Variants in ARHGAP17 observed in about 807,000 individuals in gnomAD.
ARHGAP17 encodes Rho GTPase activating protein 17.
In ARHGAP17, 57 loss-of-function variants were observed where a neutral mutation model predicts 99.5. That is an observed-to-expected ratio of 0.57 (90% CI 0.46 to 0.71). The LOEUF is 0.71. Among genes scored for constraint, ARHGAP17 ranks in the 30% least tolerant of loss-of-function variants. The pLI is 0.00. For missense variants in ARHGAP17, 1,000 were observed against 1,122.4 expected, an observed-to-expected ratio of 0.89 and a Z score of 1.56; for synonymous variants, 417 against 429.6, an observed-to-expected ratio of 0.97 and a Z score of 0.36.
At chr16:24,970,382 T>C in intron 4 of ARHGAP17, 125 bp downstream of exon 4, 1 of 900,114 alleles carries the variant, frequency 1.1e-6, no homozygotes, top group Non-Finnish European at 1.8e-6. Flanking sequence ...TCAGCCGGTC[T>C]CCTAGCGGAT....
At chr16:24,945,384 C>T (rs1200904004) in intron 14 of ARHGAP17, among the ~76,000 whole-genome samples, 2 of 151,970 alleles carry the variant, frequency 1.3e-5, no homozygotes, top group African/African-American at 4.8e-5. Flanking sequence ...GTTATTATCA[C>T]TGCTATCAAG....
intron 4 of ARHGAP17, 141 bp from the exon 5 acceptor site, chr16:24,968,913 G>T (rs1384265915): frequency 1.4e-6 from 1 of 707,120 alleles, no homozygotes; most frequent in Non-Finnish European, 2.4e-6. Context: ...TATAAATGTA[G>T]GGTACTGCCT....
chr16:24,927,728 T>G, intron 19 of ARHGAP17: 1 of 1,192,054 alleles, frequency 8.4e-7, no homozygotes, highest in Non-Finnish European at 1.1e-6. Context: ...TGGCAGGTCA[T>G]ACATCTAAAT....
chr16:24,970,054 T>C (rs1235781282), intron 4 of ARHGAP17, among the ~76,000 whole-genome samples: 1 of 143,274 alleles, frequency 7.0e-6, no homozygotes, highest in Non-Finnish European at 1.5e-5. Context: ...ATGACAATTG[T>C]AAAAAAAAAA....
intron 16 of ARHGAP17, chr16:24,941,774 G>A (rs1229770040): frequency 1.6e-6 from 1 of 611,022 alleles, no homozygotes; most frequent in Non-Finnish European, 2.8e-6. Context: ...GAATACACGT[G>A]GAAGAAACGT....
At chr16:24,985,430 C>T (rs572992633) in intron 1 of ARHGAP17, among the ~76,000 whole-genome samples, 3 of 152,304 alleles carry the variant, frequency 2.0e-5, no homozygotes, top group Middle Eastern at 6.8e-3. Flanking sequence ...TCTGCTTCCT[C>T]GCCCTTTCCA....
chr16:24,930,790 C>G lies in ARHGAP17; in HGVS notation c.2509G>C (p.Val837Leu). The change falls in exon 19 of 20, where the codon GTA becomes CTA. Residue 837 changes from valine (V) to leucine (L), a missense_variant. Physicochemically the swap from Val to Leu is conservative, Grantham distance 32. This residue lies in a region of ARHGAP17 where 528 missense variants were observed against 511.4 expected (regional missense o/e 1.03). Transcript: ENST00000289968. ...GCATTGATGTCCTACTTACCTGTTA[C>G]TATCTTGGAAGCTGTTGGTGCTGTG... is the stretch of plus-strand genomic sequence containing the variant. The part of the protein sequence containing the change: ...TNTAPTASKI[V>L]TDSNSRVSEP... 1.2e-6 allele frequency: 2 copies of G among 1,614,168 alleles called. No homozygotes were observed. The highest frequency in any genetic ancestry group is 1.7e-6 in the Non-Finnish European group (2 of 1,180,026).
chr16:25,006,257 A>G (rs2053501681), intron 1 of ARHGAP17, among the ~76,000 whole-genome samples: 1 of 151,694 alleles, frequency 6.6e-6, no homozygotes, highest in Non-Finnish European at 1.5e-5. Context: ...CCTGGCCAAC[A>G]TGGTGAAACT....
chr16:24,992,486 C>T (rs2053076700), intron 1 of ARHGAP17, among the ~76,000 whole-genome samples: 1 of 152,118 alleles, frequency 6.6e-6, no homozygotes, highest in Non-Finnish European at 1.5e-5. Context: ...CAGGCGCACG[C>T]CACCATGACC....
At chr16:24,967,789 AAAAAAAAAGAAAAGGAAAG>A in intron 6 of ARHGAP17, among the ~76,000 whole-genome samples, 1 of 152,076 alleles carries the variant, frequency 6.6e-6, no homozygotes, top group East Asian at 1.9e-4. Context: ...AAAAAAAAAA[AAAAAAAAAGAAAAGGAAAG>A]AAAAAAAAGC....
intron 17 of ARHGAP17, among the ~76,000 whole-genome samples, chr16:24,937,444 A>G (rs2051172714): frequency 6.6e-6 from 1 of 151,976 alleles, no homozygotes; most frequent in Non-Finnish European, 1.5e-5. Context: ...AATAAATAAA[A>G]ATAAATAAAA....
chr16:24,968,311 G>T, intron 6 of ARHGAP17, 40 bp downstream of exon 6: 1 of 1,600,830 alleles, frequency 6.2e-7, no homozygotes, highest in Non-Finnish European at 8.6e-7. Context: ...CCCGTGGTGG[G>T]AATGGGACAC....
chr16:24,930,716 A>G, intron 19 of ARHGAP17, 68 bp downstream of exon 19: 1 of 1,613,912 alleles, frequency 6.2e-7, no homozygotes, highest in Non-Finnish European at 8.5e-7. Flanking sequence ...CAAAGCTTAA[A>G]TAAAATGTAG....
chr16:24,978,746 C>T (rs951960863), intron 2 of ARHGAP17, among the ~76,000 whole-genome samples: 1 of 151,946 alleles, frequency 6.6e-6, no homozygotes, highest in Non-Finnish European at 1.5e-5. Flanking sequence ...AGCTAACCAG[C>T]GCAGACGTGA....
At chr16:24,987,533 CT>C (rs1410362148) in intron 1 of ARHGAP17, among the ~76,000 whole-genome samples, 1 of 152,186 alleles carries the variant, frequency 6.6e-6, no homozygotes, top group African/African-American at 2.4e-5. Context: ...CTTTTCAAGA[CT>C]TTTGCCAAAT....
rs1362990659 is a variant in ARHGAP17, at chr16:24,968,747, C to A, written c.298G>T (p.Ala100Ser). 11 of 1,614,134 alleles carry A rather than the reference C, an allele frequency of 6.8e-6. 1 individual carries two copies. Among genetic ancestry groups the A allele is most frequent in the African/African-American group, 1.3e-5 (1 of 74,948 alleles). The change falls in exon 5 of 20, where the codon GCT becomes TCT. Residue 100 changes from alanine to serine, a missense_variant. Physicochemically the swap from Ala to Ser is moderately conservative, Grantham distance 99. This residue lies in a region of ARHGAP17 where 472 missense variants were observed against 611.1 expected (regional missense o/e 0.77). Transcript: ENST00000289968. ...LGKMLETCGD[A>S]ENQLALELSQ... is the part of the protein sequence containing the mutation. Reference sequence around the variant, plus strand: ...AGCTCGAGAGCCAGCTGATTCTCAGCATCTCCACACGTCTCCAGCATCTTC... The same window carrying A: ...AGCTCGAGAGCCAGCTGATTCTCAGAATCTCCACACGTCTCCAGCATCTTC...
chr16:24,952,464 C>A, intron 11 of ARHGAP17, 94 bp from the exon 12 acceptor site: 1 of 934,048 alleles, frequency 1.1e-6, no homozygotes, highest in Admixed American at 2.3e-5. Flanking sequence ...ATCTCAATAA[C>A]GATCTTCCAA....
At chr16:24,957,292 C>G (rs1428788838) in intron 9 of ARHGAP17, 1 of 152,170 alleles carries the variant, frequency 6.6e-6, no homozygotes, top group Non-Finnish European at 1.5e-5. Context: ...GAGTGCTGTT[C>G]ATCAAAGGGA....
chr16:25,000,926 G>A (rs978182823), intron 1 of ARHGAP17, among the ~76,000 whole-genome samples: 1 of 152,212 alleles, frequency 6.6e-6, no homozygotes, highest in Non-Finnish European at 1.5e-5. Context: ...AAGTTGTGTG[G>A]TTCGAAAATG....
Sources: gnomAD v4.1 joint callset for allele counts (sites outside exome capture counted in the v4.1 genomes callset) on GRCh38, gnomAD v4.1.1 for gene constraint, gnomAD v4.1.1 regional missense constraint, MANE v1.5 for transcripts, NCBI Gene and HGNC (gene_info 2026-07-23, HGNC 2026-07-21) for gene names.